Variants in FAT3 observed in about 807,000 individuals in gnomAD.
FAT3 encodes FAT atypical cadherin 3.
FAT3 carries 95 observed loss-of-function variants against 310.2 expected under a neutral mutation model. That is an observed-to-expected ratio of 0.31 (90% CI 0.26 to 0.36). The LOEUF (loss-of-function observed/expected upper bound fraction) is 0.36. Among genes scored for constraint, FAT3 ranks in the 10% least tolerant of loss-of-function variants. FAT3 has a pLI of 1.00. For synonymous variants in FAT3, 2,314 were observed against 2,192.9 expected (o/e 1.06, Z -1.54); for missense variants, 5,408 against 5,715.6 (o/e 0.95, Z 1.74).
intron 3 of FAT3, among the ~76,000 whole-genome samples, chr11:92,526,700 T>C (rs576036428): frequency 1.3e-5 from 2 of 152,286 alleles, no homozygotes; most frequent in African/African-American, 4.8e-5. Context: ...AACATAATTT[T>C]TCAGAAAGCC....
chr11:92,701,698 A>G (rs1944101921), intron 4 of FAT3, among the ~76,000 whole-genome samples: 1 of 152,256 alleles, frequency 6.6e-6, no homozygotes, highest in South Asian at 2.1e-4. Context: ...TCCAGCATAC[A>G]GATGCCAAGA....
chr11:92,620,691 C>T (rs1054741405), intron 3 of FAT3, among the ~76,000 whole-genome samples: 2 of 152,112 alleles, frequency 1.3e-5, no homozygotes, highest in African/African-American at 2.4e-5. Flanking sequence ...GACTACTGGG[C>T]TTATTCCTAT....
intron 2 of FAT3, among the ~76,000 whole-genome samples, chr11:92,422,216 T>C (rs1439745376): frequency 1.3e-5 from 2 of 152,208 alleles, no homozygotes; most frequent in Non-Finnish European, 2.9e-5. Context: ...TTGCTTTCTT[T>C]ATTTCACAAC....
chr11:92,614,297 C>T (rs1940702158), intron 3 of FAT3, among the ~76,000 whole-genome samples: 2 of 152,206 alleles, frequency 1.3e-5, no homozygotes, highest in South Asian at 2.1e-4. Flanking sequence ...TATAGTTATA[C>T]TATATTAACA....
intron 3 of FAT3, among the ~76,000 whole-genome samples, chr11:92,633,714 G>A (rs1941646063): frequency 1.3e-5 from 2 of 152,190 alleles, no homozygotes; most frequent in South Asian, 4.1e-4. Flanking sequence ...AGGATAGAAG[G>A]AGAAATGTAT....
Position 92,697,446 on chromosome 11 carries a change from G to T in FAT3, c.3669+1G>T, listed in dbSNP as rs1239634290. 1.2e-6 allele frequency: 2 copies of T among 1,613,776 alleles called. No individual in the cohort carries two copies. Among genetic ancestry groups the T allele is most frequent in the South Asian group, 1.1e-5 (1 of 91,074 alleles). ...ACAGCAGGCAGAACATTTTCTGGAGGTAAGCGCATAGAGGGAACTGAAATT... is the reference window on the plus strand; with the variant it reads ...ACAGCAGGCAGAACATTTTCTGGAGTTAAGCGCATAGAGGGAACTGAAATT... On this transcript the variant is annotated splice_donor_variant, in intron 4 of 27. Coordinates refer to ENST00000525166, the MANE Select transcript of FAT3 (RefSeq NM_001367949.2). LOFTEE classifies it high-confidence loss of function.
chr11:92,682,014 A>ACCTACATGG (rs1416915443), intron 3 of FAT3, among the ~76,000 whole-genome samples: 2 of 152,204 alleles, frequency 1.3e-5, no homozygotes, highest in Non-Finnish European at 2.9e-5. Flanking sequence ...TGGTGGAGTA[A>ACCTACATGG]TTCTACAGAA....
intron 2 of FAT3, among the ~76,000 whole-genome samples, chr11:92,384,176 T>C (rs544537407): frequency 4.7e-4 from 71 of 152,126 alleles, no homozygotes; most frequent in Middle Eastern, 3.2e-3. Flanking sequence ...AGTGATTTTT[T>C]TTGGGAGCAG....
intron 1 of FAT3, among the ~76,000 whole-genome samples, chr11:92,281,594 T>C (rs1442299087): frequency 6.6e-6 from 1 of 152,092 alleles, no homozygotes; most frequent in Non-Finnish European, 1.5e-5. Context: ...ACTATGATAT[T>C]CTTAAGGGCA....
intron 13 of FAT3, among the ~76,000 whole-genome samples, chr11:92,811,960 T>C (rs1467958190): frequency 5.3e-5 from 8 of 152,168 alleles, no homozygotes; most frequent in Non-Finnish European, 1.2e-4. Flanking sequence ...ACTGAGCACC[T>C]ACTGTGCCTT....
intron 11 of FAT3, among the ~76,000 whole-genome samples, chr11:92,805,813 C>T (rs776818692): frequency 6.6e-6 from 1 of 152,130 alleles, no homozygotes; most frequent in Non-Finnish European, 1.5e-5. Flanking sequence ...AATGCCATTG[C>T]AAGGTACAAG....
At chr11:92,857,932 G>A (rs1949023192) in intron 20 of FAT3, among the ~76,000 whole-genome samples, 1 of 152,110 alleles carries the variant, frequency 6.6e-6, no homozygotes, top group East Asian at 1.9e-4. Flanking sequence ...TCCTGTTTCT[G>A]ATCTTCATTC....
At chr11:92,731,527 C>A (rs1945176751) in intron 4 of FAT3, among the ~76,000 whole-genome samples, 1 of 152,146 alleles carries the variant, frequency 6.6e-6, no homozygotes, top group African/African-American at 2.4e-5. Context: ...ACAAAACATG[C>A]ACTTAAACAA....
intron 1 of FAT3, among the ~76,000 whole-genome samples, chr11:92,299,488 G>T (rs1467176757): frequency 6.6e-6 from 1 of 152,068 alleles, no homozygotes; most frequent in African/African-American, 2.4e-5. Context: ...CTTCTAATGT[G>T]TGCAGTATGT....
intron 3 of FAT3, among the ~76,000 whole-genome samples, chr11:92,566,964 G>T (rs896167129): frequency 6.6e-6 from 1 of 152,098 alleles, no homozygotes; most frequent in Admixed American, 6.6e-5. Context: ...TTCCATTCAG[G>T]ACATAGGCAT....
At position 92,686,844 on chromosome 11, in the gene FAT3, C is replaced by T. The variant is rs566908320; in HGVS notation, c.3608-10540C>T. ...ATTCTCTGAGTAATTTGCACTTTAT[C>T]CATCCTCCTGATTTTATCTGTCAGA... On this transcript the variant is annotated intron_variant, in intron 3 of 27. Transcript: ENST00000525166. Among the ~76,000 whole-genome samples, 48 of 152,252 alleles carry T rather than the reference C, an allele frequency of 3.2e-4. No homozygotes were observed. The South Asian group carries it at 5.8e-3, about 18-fold the overall frequency.
At position 92,268,808 on chromosome 11, in the gene FAT3, C is replaced by G. The variant is rs190827731; in HGVS notation, c.-18+43634C>G. Among the ~76,000 whole-genome samples, 63 of 152,244 alleles carry G rather than the reference C, an allele frequency of 4.1e-4. No homozygotes were observed. In the East Asian group the frequency reaches 9.7e-3, roughly 23 times the overall value. ...TTTAGAAACATGTACAAAACATACC[C>G]CTTGGTAAGCAGTGTTCCAACTAAC... On this transcript the variant is annotated intron_variant, in intron 1 of 27. Transcript: ENST00000525166.
chr11:92,417,844 T>C (rs902625329), intron 2 of FAT3, among the ~76,000 whole-genome samples: 3 of 152,222 alleles, frequency 2.0e-5, no homozygotes, highest in African/African-American at 7.2e-5. Flanking sequence ...CAGCTCACTG[T>C]GGATCTCCAA....
At chr11:92,701,403 C>T (rs1944092354) in intron 4 of FAT3, among the ~76,000 whole-genome samples, 1 of 152,150 alleles carries the variant, frequency 6.6e-6, no homozygotes, top group South Asian at 2.1e-4. Flanking sequence ...TGCCTAAAAT[C>T]TGTTACTATA....
Sources: gnomAD v4.1 joint callset for allele counts (sites outside exome capture counted in the v4.1 genomes callset) on GRCh38, gnomAD v4.1.1 for gene constraint, MANE v1.5 for transcripts, NCBI Gene and HGNC (gene_info 2026-07-23, HGNC 2026-07-21) for gene names.